The following MYO6 variants were observed in gnomAD, a reference collection of about 807,000 sequenced individuals.
MYO6 encodes the protein myosin VI, also known as unconventional myosin-VI.
Under a neutral mutation model 178.7 loss-of-function variants are expected in MYO6, and 74 were observed. The observed-to-expected ratio is 0.41, with a 90% CI of 0.34 to 0.50. The LOEUF is 0.50. MYO6 is among the 20% of genes least tolerant of loss of function. The pLI is 0.09. For synonymous variants in MYO6, 477 were observed against 504.6 expected (o/e 0.95, Z 0.73); for missense variants, 1,330 against 1,547.4 (o/e 0.86, Z 2.36).
rs562017764 is a variant in MYO6 at position 75,900,786 on chromosome 6, T to A, written c.3176+2375T>A. ...GCTTTTGTTGCCATTGCTTTTGGTG[T>A]TTTAGACATGAAGTCCTTGCCCATG... On this transcript the variant is annotated intron_variant, in intron 30 of 34. Transcript: ENST00000369977. 1.5e-4 allele frequency among the ~76,000 whole-genome samples: 23 copies of A among 151,686 alleles called. No homozygotes were observed. In the East Asian group the frequency reaches 4.1e-3, roughly 27 times the overall value.
Position 75,788,356 on chromosome 6 carries a change from T to G in MYO6, c.-47-29145T>G, listed in dbSNP as rs78113371. On this transcript the variant is annotated intron_variant, in intron 1 of 34. Coordinates refer to ENST00000369977, the MANE Select transcript of MYO6 (RefSeq NM_004999.4). ...TCCAGCCTGGGCAACTGAGCAAGAC[T>G]CATCTCAAAATAAACAAAAAGTCAT... is the stretch of plus-strand genomic sequence containing the variant. Among the ~76,000 whole-genome samples the G allele has an allele frequency of 4.6e-4, 70 of 152,116 alleles. 1 individual carries two copies. Among genetic ancestry groups the G allele is most frequent in the Non-Finnish European group, 9.0e-4 (61 of 67,988 alleles).
chr6:75,809,900 T>TAAAAAAAAAA (rs1178309622), intron 1 of MYO6, among the ~76,000 whole-genome samples: 1 of 80,240 alleles, frequency 1.2e-5, no homozygotes. Context: ...TTGTCTCTGC[T>TAAAAAAAAAA]AAAAAAAAAA....
intron 30 of MYO6, among the ~76,000 whole-genome samples, chr6:75,900,683 T>C (rs1403786161): frequency 6.6e-6 from 1 of 152,218 alleles, no homozygotes; most frequent in African/African-American, 2.4e-5. Context: ...TTTTGTGGGT[T>C]GCCTGTTCAC....
intron 1 of MYO6, among the ~76,000 whole-genome samples, chr6:75,764,594 G>A (rs1456632649): frequency 6.6e-6 from 1 of 152,022 alleles, no homozygotes; most frequent in African/African-American, 2.4e-5. Flanking sequence ...GCCTAGCGAG[G>A]GGCTTTGTAA....
At chr6:75,886,715 C>T (rs1778466731) in intron 24 of MYO6, 129 bp from the exon 25 acceptor site, 1 of 900,948 alleles carries the variant, frequency 1.1e-6, no homozygotes, top group Non-Finnish European at 1.7e-6. Context: ...AACAAGAGAT[C>T]TGAAAAAGAG....
At chr6:75,817,756 G>A in intron 2 of MYO6, 92 bp downstream of exon 2, 1 of 1,095,918 alleles carries the variant, frequency 9.1e-7, no homozygotes, top group Non-Finnish European at 1.4e-6. Context: ...TAATGAGGTA[G>A]ATATTTGGGA....
intron 18 of MYO6, among the ~76,000 whole-genome samples, chr6:75,869,736 A>C (rs2149319529): frequency 6.6e-6 from 1 of 152,344 alleles, no homozygotes; most frequent in South Asian, 2.1e-4. Flanking sequence ...ACAAGAAAGC[A>C]TAGTAACTTG....
Position 75,850,384 on chromosome 6 carries a change from T to G in MYO6, c.1078+1853T>G, listed in dbSNP as rs139873345. 5.9e-5 allele frequency among the ~76,000 whole-genome samples: 9 copies of G among 152,352 alleles called. No homozygotes were observed. In the East Asian group the frequency reaches 1.7e-3, roughly 29 times the overall value. On this transcript the variant is annotated intron_variant, in intron 11 of 34. Coordinates refer to ENST00000369977, the MANE Select transcript of MYO6 (RefSeq NM_004999.4). ...AAATATAATGAGGTAGGGGATATTA[T>G]CTCCATTTTACAGAAGTGGAACCTG...
At chr6:75,875,949 G>T (rs917037912) in intron 20 of MYO6, among the ~76,000 whole-genome samples, 36 of 152,098 alleles carry the variant, frequency 2.4e-4, no homozygotes, top group African/African-American at 8.5e-4. Context: ...GTCCCATAGA[G>T]CCTGGCCCGT....
chr6:75,888,553 G>C (rs1035899747), intron 25 of MYO6, among the ~76,000 whole-genome samples: 2 of 151,014 alleles, frequency 1.3e-5, no homozygotes, highest in Non-Finnish European at 2.9e-5. Flanking sequence ...AGGTTGCAGT[G>C]AACAGAGATT....
At chr6:75,908,304 A>C (rs1780497449) in intron 31 of MYO6, among the ~76,000 whole-genome samples, 192 bp from the exon 32 acceptor site, 1 of 152,178 alleles carries the variant, frequency 6.6e-6, no homozygotes, top group South Asian at 2.1e-4. Context: ...ACACTGTGTA[A>C]AGAAATGATC....
intron 1 of MYO6, among the ~76,000 whole-genome samples, chr6:75,786,598 T>A (rs1008272085): frequency 1.3e-5 from 2 of 152,188 alleles, no homozygotes; most frequent in Non-Finnish European, 2.9e-5. Context: ...TTCCTATATA[T>A]TTTTTCTTTT....
chr6:75,872,785 G>GTTT (rs201325735), intron 19 of MYO6, among the ~76,000 whole-genome samples: 2 of 145,330 alleles, frequency 1.4e-5, no homozygotes, highest in Non-Finnish European at 1.5e-5. Context: ...AAAATTTTGA[G>GTTT]TTTTTTTTTT....
At chr6:75,812,748 A>T (rs1293059082) in intron 1 of MYO6, among the ~76,000 whole-genome samples, 2 of 152,058 alleles carry the variant, frequency 1.3e-5, no homozygotes, top group Non-Finnish European at 2.9e-5. Context: ...AATGACCTCC[A>T]GTTCCATCCA....
At chr6:75,846,909 A>G (rs1434687651) in intron 10 of MYO6, among the ~76,000 whole-genome samples, 1 of 152,128 alleles carries the variant, frequency 6.6e-6, no homozygotes, top group Non-Finnish European at 1.5e-5. Context: ...GTGCGTTTAT[A>G]TGTACAGTTA....
chr6:75,902,177 T>C (rs569975969), intron 30 of MYO6, among the ~76,000 whole-genome samples: 1 of 152,348 alleles, frequency 6.6e-6, no homozygotes, highest in African/African-American at 2.4e-5. Context: ...GATATTGGTC[T>C]AAAATTCTCT....
At chr6:75,874,435 C>T (rs1392703098) in intron 20 of MYO6, among the ~76,000 whole-genome samples, 3 of 152,182 alleles carry the variant, frequency 2.0e-5, no homozygotes, top group African/African-American at 7.2e-5. Context: ...TCAGACCCAT[C>T]CTGCTTTCCT....
At chr6:75,877,606 G>A (rs777489091) in intron 20 of MYO6, among the ~76,000 whole-genome samples, 18 of 152,018 alleles carry the variant, frequency 1.2e-4, no homozygotes, top group Non-Finnish European at 1.8e-4. Flanking sequence ...CCAGGGCAAA[G>A]TAGGGGAAGG....
intron 2 of MYO6, among the ~76,000 whole-genome samples, chr6:75,821,452 T>C (rs1407281909): frequency 2.0e-5 from 3 of 152,202 alleles, no homozygotes; most frequent in Non-Finnish European, 4.4e-5. Flanking sequence ...AATTTTGCTT[T>C]TGTGGCCTGT....
Sources: allele counts gnomAD v4.1 joint callset (sites outside exome capture counted in the v4.1 genomes callset), GRCh38; gene constraint gnomAD v4.1.1; transcripts MANE v1.5; gene names NCBI Gene and HGNC (gene_info 2026-07-23, HGNC 2026-07-21).